The following ESRRB variants were observed in gnomAD, a reference collection of about 807,000 sequenced individuals.
ESRRB encodes steroid hormone receptor ERR2.
Under a neutral mutation model 46.0 loss-of-function variants are expected in ESRRB, and 16 were observed. That is an observed-to-expected ratio of 0.35 (90% confidence interval 0.24 to 0.53). The LOEUF is 0.53. ESRRB is among the 20% of genes least tolerant of loss of function. The pLI, the probability that ESRRB is intolerant of heterozygous loss-of-function variation, is 0.93. For synonymous variants in ESRRB, 246 were observed against 259.6 expected, an observed-to-expected ratio of 0.95 and a Z score of 0.50; for missense variants, 488 against 607.4, an observed-to-expected ratio of 0.80 and a Z score of 2.07.
intron 1 of ESRRB, among the ~76,000 whole-genome samples, chr14:76,408,949 C>T (rs1886317029): frequency 1.3e-5 from 2 of 152,230 alleles, no homozygotes; most frequent in African/African-American, 2.4e-5. Flanking sequence ...ATTGTTGTCA[C>T]TCCCATTTTA....
intron 1 of ESRRB, among the ~76,000 whole-genome samples, chr14:76,340,294 C>T (rs145215452): frequency 0.017 from 2,521 of 152,324 alleles, 35 homozygotes; most frequent in Middle Eastern, 0.031. Context: ...GGTCAGGAGA[C>T]GGACAGATGT....
chr14:76,493,320 A>G, intron 6 of ESRRB, among the ~76,000 whole-genome samples: 1 of 151,798 alleles, frequency 6.6e-6, no homozygotes. Context: ...ACACTCAGCT[A>G]ATTTTTGTAT....
At chr14:76,413,614 T>A (rs1298989078) in intron 1 of ESRRB, among the ~76,000 whole-genome samples, 1 of 152,174 alleles carries the variant, frequency 6.6e-6, no homozygotes, top group Non-Finnish European at 1.5e-5. Flanking sequence ...CCCTATCGTA[T>A]TGCTTTGAGA....
At chr14:76,443,954 C>T (rs554834757) in intron 2 of ESRRB, among the ~76,000 whole-genome samples, 1 of 152,268 alleles carries the variant, frequency 6.6e-6, no homozygotes, top group Non-Finnish European at 1.5e-5. Flanking sequence ...AGTTCGTAAC[C>T]AGAAAGAGGT....
At chr14:76,377,335 C>T (rs576891581) in intron 1 of ESRRB, among the ~76,000 whole-genome samples, 1 of 152,264 alleles carries the variant, frequency 6.6e-6, no homozygotes, top group East Asian at 1.9e-4. Flanking sequence ...TCCGGGCTCT[C>T]GGGGATCCCA....
At chr14:76,453,802 G>C (rs780361806) in intron 2 of ESRRB, among the ~76,000 whole-genome samples, 1 of 151,932 alleles carries the variant, frequency 6.6e-6, no homozygotes, top group Non-Finnish European at 1.5e-5. Flanking sequence ...GGTAGAGATG[G>C]GGTTTCACCA....
chr14:76,458,475 CACACACAT>C (rs1245858828), intron 2 of ESRRB, among the ~76,000 whole-genome samples: 20 of 81,650 alleles, frequency 2.4e-4, no homozygotes, highest in African/African-American at 9.0e-4. Context: ...CACACAAACA[CACACACAT>C]GCATGCAGGC....
chr14:76,454,256 G>A (rs189176334), intron 2 of ESRRB, among the ~76,000 whole-genome samples: 204 of 152,210 alleles, frequency 1.3e-3, no homozygotes, highest in Non-Finnish European at 2.5e-3. Flanking sequence ...CTTTCAATTC[G>A]TTTGCATTCA....
chr14:76,414,063 C>T (rs1886573706), intron 1 of ESRRB, among the ~76,000 whole-genome samples: 1 of 37,702 alleles, frequency 2.7e-5, no homozygotes, highest in Admixed American at 2.2e-4. Context: ...CGGTCCCCGC[C>T]CCTGCACCGT....
rs377432919 is a variant in ESRRB at position 76,349,300 on chromosome 14, G to A, written c.2+38384G>A. On this transcript the variant is annotated intron_variant, in intron 1 of 6. Coordinates refer to the ESRRB transcript ENST00000512784. ...TCCTGGGCTCCAAAGGGTGCAAAGC[G>A]GGGATCACGAAAGGAGGCAACAAAG... Among the ~76,000 whole-genome samples the A allele has an allele frequency of 6.0e-4, 92 of 152,300 alleles. 2 individuals carry two copies. The South Asian group carries it at 0.016, about 26-fold the overall frequency.
At chr14:76,378,025 G>A (rs1460062118) in intron 1 of ESRRB, among the ~76,000 whole-genome samples, 1 of 152,122 alleles carries the variant, frequency 6.6e-6, no homozygotes, top group Non-Finnish European at 1.5e-5. Flanking sequence ...TAGCTGGGGT[G>A]GGGATGGGGT....
intron 1 of ESRRB, among the ~76,000 whole-genome samples, chr14:76,378,099 T>TA (rs1262544367): frequency 6.6e-6 from 1 of 152,218 alleles, no homozygotes; most frequent in African/African-American, 2.4e-5. Context: ...TTTCCTTACA[T>TA]AAAATGATCA....
chr14:76,459,539 C>T (rs891918816), intron 2 of ESRRB, among the ~76,000 whole-genome samples: 6 of 140,626 alleles, frequency 4.3e-5, no homozygotes, highest in South Asian at 2.7e-4. Flanking sequence ...GGAATCAGCA[C>T]GCTGAGGCTG....
At chr14:76,481,947 C>A in intron 3 of ESRRB, 69 bp from the exon 4 acceptor site, 1 of 1,470,138 alleles carries the variant, frequency 6.8e-7, no homozygotes, top group Non-Finnish European at 9.5e-7. Context: ...GCTGAAATTC[C>A]AAAGTCAGTG....
chr14:76,393,967 AT>A lies in ESRRB; in HGVS notation c.50+17536del, dbSNP rs71122531. The stretch of plus-strand genomic sequence containing the variant: ...AGGCATGCACCAACATGCCTGGCTA[AT>A]TTTTTTTTTTTTTTTTTTTGTATTT... On this transcript the variant is annotated intron_variant, in intron 1 of 6. Transcript: ENST00000644823. Among the ~76,000 whole-genome samples, 359 of 126,936 alleles carry A rather than the reference AT, an allele frequency of 2.8e-3. 3 individuals are homozygous for A. Among genetic ancestry groups the A allele is most frequent in the African/African-American group, 8.2e-3 (272 of 33,058 alleles). The allele number at this position is 126,936 out of a possible 152,430, so 83.3% of individuals were successfully genotyped here. A position where few individuals can be genotyped will look rare whatever the true frequency, so the allele number is the denominator to read the frequency against.
chr14:76,380,286 C>A (rs1884956691), intron 1 of ESRRB, among the ~76,000 whole-genome samples: 1 of 152,094 alleles, frequency 6.6e-6, no homozygotes, highest in African/African-American at 2.4e-5. Flanking sequence ...ATTGAGGGAG[C>A]ATGTACATTG....
intron 1 of ESRRB, among the ~76,000 whole-genome samples, chr14:76,425,476 C>A (rs1392161434): frequency 2.0e-5 from 3 of 151,942 alleles, no homozygotes. Context: ...TGCCTGAGCG[C>A]CCCTGGCTGT....
At position 76,439,763 on chromosome 14, in the gene ESRRB, C is replaced by A. The variant is rs1347342233; in HGVS notation, c.460+13C>A. On this transcript the variant is annotated intron_variant, in intron 2 of 6. Coordinates refer to ENST00000644823, the MANE Select transcript of ESRRB (RefSeq NM_001379180.1). The stretch of plus-strand genomic sequence containing the variant: ...AGGACTATCCAAGGTGCGTGGTGGG[C>A]CTCAAGGAGCCTGGGCGCAGGGTTG... 1 of 1,611,178 alleles carries A rather than the reference C, an allele frequency of 6.2e-7. No homozygotes were observed. The highest frequency in any genetic ancestry group is 8.5e-7 in the Non-Finnish European group (1 of 1,177,648).
rs4551967 is a variant in ESRRB at position 76,482,644 on chromosome 14, C to A, written c.735C>A (p.Leu245=). ...TACTGGTGGCTGAGCCGGACAAGCT[C>A]TATGCCATGCCTCCCCCTGGTATGC... ...SYLLVAEPDK[L]YAMPPPGMPE... is the part of the protein sequence containing the mutation. Residue 245 remains leucine (L), a synonymous_variant, in exon 5 of 7, where the codon CTC becomes CTA. Transcript: ENST00000644823. The surrounding 1 kb of genome is among the most constrained non-coding windows in gnomAD (Gnocchi z 4.3). The A allele has an allele frequency of 2.5e-6, 4 of 1,614,188 alleles. No individual in the cohort carries two copies. Among genetic ancestry groups the A allele is most frequent in the Non-Finnish European group, 3.4e-6 (4 of 1,180,036 alleles).
Sources: gnomAD v4.1 joint callset for allele counts (sites outside exome capture counted in the v4.1 genomes callset) on GRCh38, gnomAD v4.1.1 for gene constraint, Gnocchi (gnomAD v3.1) non-coding constraint, MANE v1.5 for transcripts, NCBI Gene and HGNC (gene_info 2026-07-23, HGNC 2026-07-21) for gene names.